Variants in ARHGEF3 observed in about 807,000 individuals in gnomAD.
The protein encoded by ARHGEF3 is Rho guanine nucleotide exchange factor 3.
ARHGEF3 carries 28 observed loss-of-function variants against 63.2 expected under a neutral mutation model. The observed-to-expected ratio is 0.44, with a 90% CI of 0.33 to 0.61. The LOEUF is 0.61. Among genes scored for constraint, ARHGEF3 ranks in the 20% least tolerant of loss-of-function variants. ARHGEF3 has a pLI of 0.03. For missense variants in ARHGEF3, 533 were observed against 659.3 expected, an observed-to-expected ratio of 0.81 and a Z score of 2.10; for synonymous variants, 266 against 254.2, an observed-to-expected ratio of 1.05 and a Z score of -0.44.
At chr3:56,741,496 CT>C (rs71072191) in intron 7 of ARHGEF3, among the ~76,000 whole-genome samples, 425 of 50,522 alleles carry the variant, frequency 8.4e-3, no homozygotes, top group African/African-American at 0.025. Flanking sequence ...TACATTGGTT[CT>C]TTTTTTTTTT....
intron 4 of ARHGEF3, among the ~76,000 whole-genome samples, chr3:56,834,364 T>C (rs1448267778): frequency 6.6e-6 from 1 of 151,954 alleles, no homozygotes. Context: ...AAAGATGAGG[T>C]TCATAGTAAG....
intron 2 of ARHGEF3, among the ~76,000 whole-genome samples, chr3:56,763,159 C>G (rs77833180): frequency 0.033 from 5,043 of 152,172 alleles, 194 homozygotes; most frequent in South Asian, 0.15. Context: ...TCTCAGTTTC[C>G]TCATCTCTAA....
chr3:56,852,814 C>G, intron 4 of ARHGEF3, among the ~76,000 whole-genome samples: 1 of 152,214 alleles, frequency 6.6e-6, no homozygotes, highest in East Asian at 1.9e-4. Flanking sequence ...GCTGATTCAT[C>G]AAACCCTGAT....
intron 3 of ARHGEF3, among the ~76,000 whole-genome samples, chr3:56,912,828 A>T (rs1472434105): frequency 1.3e-5 from 2 of 152,230 alleles, no homozygotes; most frequent in Non-Finnish European, 2.9e-5. Context: ...TACCCCAGTC[A>T]CATCAAAGTA....
At chr3:56,871,851 T>A (rs949370224) in intron 4 of ARHGEF3, among the ~76,000 whole-genome samples, 2 of 152,292 alleles carry the variant, frequency 1.3e-5, no homozygotes, top group East Asian at 1.9e-4. Flanking sequence ...TTTTCACCAA[T>A]GATTGAAATT....
At chr3:57,033,784 C>T (rs951392376) in intron 2 of ARHGEF3, among the ~76,000 whole-genome samples, 2 of 152,022 alleles carry the variant, frequency 1.3e-5, no homozygotes, top group Non-Finnish European at 2.9e-5. Flanking sequence ...GTGGCTCATG[C>T]CTGTAATCCC....
At chr3:56,982,279 C>T (rs1038546353) in intron 2 of ARHGEF3, among the ~76,000 whole-genome samples, 6 of 151,920 alleles carry the variant, frequency 3.9e-5, no homozygotes, top group Non-Finnish European at 5.9e-5. Flanking sequence ...AGTAAGCAAG[C>T]GTACATTCTA....
intron 1 of ARHGEF3, among the ~76,000 whole-genome samples, chr3:57,062,454 C>T (rs945318358): frequency 3.9e-5 from 6 of 152,066 alleles, no homozygotes; most frequent in Non-Finnish European, 8.8e-5. Flanking sequence ...AGCACGGCGG[C>T]GGGGGCGGGG....
At chr3:56,739,545 G>A (rs897657826) in intron 7 of ARHGEF3, among the ~76,000 whole-genome samples, 1 of 151,596 alleles carries the variant, frequency 6.6e-6, no homozygotes, top group East Asian at 2.0e-4. Flanking sequence ...GACCACAGGC[G>A]TGCGCCACCA....
intron 2 of ARHGEF3, among the ~76,000 whole-genome samples, chr3:57,010,190 C>T (rs1188095947): frequency 6.6e-6 from 1 of 151,922 alleles, no homozygotes; most frequent in Non-Finnish European, 1.5e-5. Flanking sequence ...CGTGGTGGCT[C>T]ACGCCTGTAA....
intron 1 of ARHGEF3, among the ~76,000 whole-genome samples, chr3:57,050,245 T>A (rs541274020): frequency 1.4e-4 from 21 of 152,360 alleles, no homozygotes; most frequent in African/African-American, 5.1e-4. Flanking sequence ...CTTAAACCTC[T>A]GCAAGGGTTT....
intron 3 of ARHGEF3, among the ~76,000 whole-genome samples, chr3:56,957,238 T>C (rs569815557): frequency 6.6e-6 from 1 of 152,340 alleles, no homozygotes; most frequent in African/African-American, 2.4e-5. Context: ...AAAAGCATAT[T>C]GTAACCTGAG....
chr3:56,984,245 T>C (rs1303315515), intron 2 of ARHGEF3, among the ~76,000 whole-genome samples: 1 of 152,098 alleles, frequency 6.6e-6, no homozygotes, highest in Non-Finnish European at 1.5e-5. Flanking sequence ...TCTGCCATTT[T>C]CCCCTGTGTT....
At position 56,878,137 on chromosome 3, in the gene ARHGEF3, T is replaced by TGCTG. The variant is rs558413607; in HGVS notation, c.192+4151_192+4154dup. Among the ~76,000 whole-genome samples the TGCTG allele has an allele frequency of 1.7e-4, 26 of 152,336 alleles. No individual in the cohort carries two copies. The South Asian group carries it at 5.0e-3, about 29-fold the overall frequency. ...TTGTTTTATAAGAAAGAATGTCTGG[T>TGCTG]GCTGAGCTGTGCTCTGCAGCAGGAG... On this transcript the variant is annotated intron_variant, in intron 4 of 12. Transcript: ENST00000338458.
chr3:56,982,478 T>C (rs1560106181), intron 2 of ARHGEF3, among the ~76,000 whole-genome samples: 1 of 152,052 alleles, frequency 6.6e-6, no homozygotes, highest in African/African-American at 2.4e-5. Flanking sequence ...TCTCAGACCA[T>C]CCTGTTGGAA....
intron 4 of ARHGEF3, among the ~76,000 whole-genome samples, chr3:56,856,490 T>C (rs1480929947): frequency 6.6e-6 from 1 of 152,160 alleles, no homozygotes; most frequent in East Asian, 1.9e-4. Flanking sequence ...CGGTAATTCA[T>C]GAATACAGAT....
At chr3:57,040,413 G>T (rs558637638) in intron 1 of ARHGEF3, among the ~76,000 whole-genome samples, 5 of 151,340 alleles carry the variant, frequency 3.3e-5, no homozygotes, top group South Asian at 2.1e-4. Flanking sequence ...GGAGATGGAG[G>T]TTGCAGTGAG....
intron 4 of ARHGEF3, among the ~76,000 whole-genome samples, chr3:56,830,049 A>C (rs1312400874): frequency 1.3e-5 from 2 of 152,246 alleles, no homozygotes; most frequent in Non-Finnish European, 2.9e-5. Flanking sequence ...TAACTGAGAT[A>C]CAGAGAGGAG....
chr3:56,769,422 G>A (rs187539565), intron 2 of ARHGEF3, among the ~76,000 whole-genome samples: 86 of 152,336 alleles, frequency 5.6e-4, no homozygotes, highest in Admixed American at 1.6e-3. Context: ...TGAGTCTACC[G>A]GCAGTGCTAA....
Sources: gnomAD v4.1 joint callset for allele counts (sites outside exome capture counted in the v4.1 genomes callset) on GRCh38, gnomAD v4.1.1 for gene constraint, MANE v1.5 for transcripts, NCBI Gene and HGNC (gene_info 2026-07-23, HGNC 2026-07-21) for gene names.